NEDD9: variants seen among roughly 807,000 people sequenced by gnomAD.
NEDD9 encodes neural precursor cell expressed, developmentally down-regulated 9.
NEDD9 carries 26 observed loss-of-function variants against 76.6 expected under a neutral mutation model. That is an observed-to-expected ratio of 0.34 (90% CI 0.25 to 0.47). NEDD9 has a LOEUF of 0.47. Among genes scored for constraint, NEDD9 ranks in the 20% least tolerant of loss-of-function variants. NEDD9 has a pLI of 1.00. For synonymous variants in NEDD9, 392 were observed against 414.2 expected, an observed-to-expected ratio of 0.95 and a Z score of 0.65; for missense variants, 937 against 1,058.5, an observed-to-expected ratio of 0.89 and a Z score of 1.59.
chr6:11,336,523 A>C (rs1396941697), intron 1 of NEDD9, among the ~76,000 whole-genome samples: 1 of 152,232 alleles, frequency 6.6e-6, no homozygotes, highest in Non-Finnish European at 1.5e-5. Context: ...ATAAAAGGTA[A>C]AAAGTGGCAC....
intron 2 of NEDD9, among the ~76,000 whole-genome samples, chr6:11,317,411 G>A (rs748584423): frequency 6.0e-5 from 9 of 150,810 alleles, no homozygotes; most frequent in East Asian, 3.9e-4. Context: ...GTGAGGCTCC[G>A]TCTCAAAAAA....
chr6:11,303,565 A>G (rs1561823442), intron 3 of NEDD9, among the ~76,000 whole-genome samples: 1 of 152,316 alleles, frequency 6.6e-6, no homozygotes, highest in East Asian at 1.9e-4. Context: ...AAACTATACT[A>G]CAAGCTAGAG....
chr6:11,201,837 TAA>T (rs1409285293), intron 2 of NEDD9, among the ~76,000 whole-genome samples: 1 of 152,204 alleles, frequency 6.6e-6, no homozygotes, highest in Admixed American at 6.5e-5. Flanking sequence ...CCTCTGAGTC[TAA>T]GTCTCTACAA....
chr6:11,341,453 G>A (rs1347089953), intron 1 of NEDD9, among the ~76,000 whole-genome samples: 2 of 152,178 alleles, frequency 1.3e-5, no homozygotes, highest in East Asian at 1.9e-4. Flanking sequence ...CTCAGTCCAC[G>A]GCTGAGGGCT....
intron 2 of NEDD9, among the ~76,000 whole-genome samples, chr6:11,307,404 C>T (rs1761218598): frequency 6.6e-6 from 1 of 152,182 alleles, no homozygotes; most frequent in South Asian, 2.1e-4. Flanking sequence ...AGGCCCATGA[C>T]TCATTTGCTC....
At chr6:11,359,449 C>A (rs1460247536) in intron 1 of NEDD9, among the ~76,000 whole-genome samples, 1 of 152,234 alleles carries the variant, frequency 6.6e-6, no homozygotes, top group African/African-American at 2.4e-5. Flanking sequence ...CTTCAGAGAA[C>A]AAATGCCTAT....
intron 1 of NEDD9, among the ~76,000 whole-genome samples, chr6:11,367,517 C>T (rs1762788830): frequency 6.6e-6 from 1 of 152,228 alleles, no homozygotes; most frequent in Admixed American, 6.5e-5. Context: ...GATCACTAGT[C>T]TAGAGGACCA....
At chr6:11,373,362 C>T (rs1013432086) in intron 1 of NEDD9, among the ~76,000 whole-genome samples, 11 of 152,286 alleles carry the variant, frequency 7.2e-5, no homozygotes, top group Non-Finnish European at 8.8e-5. Context: ...GACCTGAGGT[C>T]CTCAGTAGAA....
chr6:11,192,521 A>G (rs1758174582), intron 3 of NEDD9, 75 bp from the exon 4 acceptor site: 1 of 1,013,672 alleles, frequency 9.9e-7, no homozygotes, highest in South Asian at 1.5e-5. Context: ...CTAAGCACTT[A>G]ATTATGGATT....
At chr6:11,311,727 G>A (rs1211477232) in intron 2 of NEDD9, among the ~76,000 whole-genome samples, 1 of 152,194 alleles carries the variant, frequency 6.6e-6, no homozygotes, top group African/African-American at 2.4e-5. Flanking sequence ...TACAGACTGG[G>A]TCGGGTGCAG....
intron 3 of NEDD9, among the ~76,000 whole-genome samples, chr6:11,296,248 A>G (rs1297404839): frequency 6.6e-6 from 1 of 152,080 alleles, no homozygotes; most frequent in East Asian, 1.9e-4. Context: ...ACTCTGTGAT[A>G]CCTTGTCATG....
At chr6:11,304,942 A>G in intron 3 of NEDD9, 1 of 536,490 alleles carries the variant, frequency 1.9e-6, no homozygotes, top group Non-Finnish European at 2.9e-6. Flanking sequence ...GTACCCTAGA[A>G]CTTAAAATAT....
intron 2 of NEDD9, among the ~76,000 whole-genome samples, chr6:11,319,724 T>A (rs534943168): frequency 3.0e-4 from 37 of 124,066 alleles, no homozygotes; most frequent in African/African-American, 1.2e-3. Flanking sequence ...ACATGCACAC[T>A]CACACACTAA....
chr6:11,229,437 G>C (rs763636871), intron 1 of NEDD9, among the ~76,000 whole-genome samples: 2 of 151,896 alleles, frequency 1.3e-5, no homozygotes, highest in African/African-American at 4.8e-5. Context: ...GTGGGGTCTC[G>C]GGGGCTTCTG....
rs180892810 is a variant in NEDD9 at position 11,225,283 on chromosome 6, A to G, written c.12+7221T>C. 3.3e-4 allele frequency among the ~76,000 whole-genome samples: 51 copies of G among 152,338 alleles called. No homozygotes were observed. In the East Asian group the frequency reaches 6.6e-3, roughly 20 times the overall value. Reference sequence around the variant, plus strand: ...TGAGGGACATTTTTAGTAACATCATATAACTATTACCTTGATATGTTAGAC... The same window carrying G: ...TGAGGGACATTTTTAGTAACATCATGTAACTATTACCTTGATATGTTAGAC... On this transcript the variant is annotated intron_variant, in intron 1 of 6. Coordinates refer to ENST00000379446, the MANE Select transcript of NEDD9 (RefSeq NM_006403.4).
At position 11,308,361 on chromosome 6, in the gene NEDD9, CTTTTTTTTTTTTTT is replaced by C. The variant is rs933892327; in HGVS notation, c.-152-2220_-152-2207del. On this transcript the variant is annotated intron_variant, in intron 2 of 3. Transcript: ENST00000397378. ...TTGTCCAAGTAGGAGGATGGGACAT[CTTTTTTTTTTTTTT>C]TTTTTTTTTTTTGATACGAAGTCTG... Among the ~76,000 whole-genome samples the C allele has an allele frequency of 1.8e-3, 156 of 87,872 alleles. 1 individual carries two copies. The highest frequency in any genetic ancestry group is 7.0e-3 in the African/African-American group (148 of 21,266). 57.6% of individuals were successfully genotyped at this position (87,872 alleles called of 152,430 possible). A position where few individuals can be genotyped will look rare whatever the true frequency, so the allele number is the denominator to read the frequency against.
intron 1 of NEDD9, among the ~76,000 whole-genome samples, chr6:11,227,862 GTT>G (rs1379959582): frequency 6.6e-6 from 1 of 152,126 alleles, no homozygotes; most frequent in East Asian, 1.9e-4. Context: ...GGAGACACAG[GTT>G]TCAGAGTTTG....
intron 2 of NEDD9, among the ~76,000 whole-genome samples, chr6:11,195,997 AAAAC>A (rs1029882602): frequency 2.0e-4 from 31 of 152,086 alleles, no homozygotes; most frequent in African/African-American, 7.0e-4. Flanking sequence ...TCCGTCTCAA[AAAAC>A]AAACAAACAA....
rs1761858894 is a variant in NEDD9, at chr6:11,323,596, C to CGGTA, written c.-153+10901_-153+10904dup. On this transcript the variant is annotated intron_variant, in intron 2 of 3. Coordinates refer to the NEDD9 transcript ENST00000397378. ...GCCAGAGAGGCTGCTAAACATCCTA[C>CGGTA]GGTACACTGGACAGTCTTCCACAAC... 2.6e-5 allele frequency among the ~76,000 whole-genome samples: 4 copies of CGGTA among 152,342 alleles called. No homozygotes were observed. The South Asian group carries it at 8.3e-4, about 32-fold the overall frequency.
Sources: allele counts gnomAD v4.1 joint callset (sites outside exome capture counted in the v4.1 genomes callset), GRCh38; gene constraint gnomAD v4.1.1; transcripts MANE v1.5; gene names NCBI Gene and HGNC (gene_info 2026-07-23, HGNC 2026-07-21).